DNAJC13: variants seen among roughly 807,000 people sequenced by gnomAD.
DNAJC13 encodes dnaJ homolog subfamily C member 13.
Under a neutral mutation model 290.5 loss-of-function variants are expected in DNAJC13, and 75 were observed. The ratio of observed to expected loss-of-function variants is 0.26; its 90% CI spans 0.21 to 0.31. The LOEUF (loss-of-function observed/expected upper bound fraction) is 0.31. Among genes scored for constraint, DNAJC13 ranks in the 10% least tolerant of loss-of-function variants. The pLI, the probability that DNAJC13 is intolerant of heterozygous loss-of-function variation, is 1.00. For synonymous variants in DNAJC13, 862 were observed against 892.0 expected, an observed-to-expected ratio of 0.97 and a Z score of 0.60; for missense variants, 2,260 against 2,674.5, an observed-to-expected ratio of 0.85 and a Z score of 3.42.
At chr3:132,506,541 CTTTTTTTTTT>C (rs34151394) in intron 42 of DNAJC13, among the ~76,000 whole-genome samples, 83 of 54,748 alleles carry the variant, frequency 1.5e-3, no homozygotes, top group African/African-American at 4.3e-3. Context: ...CAGTGTATTA[CTTTTTTTTTT>C]TTTTTTTTTT....
chr3:132,459,787 C>T (rs921893910), intron 13 of DNAJC13, among the ~76,000 whole-genome samples: 8 of 152,220 alleles, frequency 5.3e-5, no homozygotes, highest in East Asian at 1.9e-4. Context: ...ACTTACCTTG[C>T]GTAACGTCTC....
intron 1 of DNAJC13, among the ~76,000 whole-genome samples, chr3:132,429,426 A>C (rs977505964): frequency 1.3e-5 from 2 of 152,206 alleles, no homozygotes; most frequent in Non-Finnish European, 2.9e-5. Context: ...TTACCTTAGA[A>C]AAGTGATTTA....
At chr3:132,493,285 C>T (rs1018388130) in intron 33 of DNAJC13, among the ~76,000 whole-genome samples, 42 of 152,154 alleles carry the variant, frequency 2.8e-4, no homozygotes, top group African/African-American at 9.6e-4. Flanking sequence ...TGTTCTGTTA[C>T]TGTGGTGGAA....
In DNAJC13 at chr3:132,454,160, A is replaced by T. The variant is rs1933510067; in HGVS notation, c.932+3A>T. On this transcript the variant is annotated splice_donor_region_variant and intron_variant, in intron 9 of 55. Transcript: ENST00000260818. ...CGGAAATATTCTTCAACAGAGAGGT[A>T]TTTTTTTTTTTTTAAGTTTTTGAAA... 2.3e-6 allele frequency: 3 copies of T among 1,323,164 alleles called. No homozygotes were observed. The highest frequency in any genetic ancestry group is 2.1e-6 in the Non-Finnish European group (2 of 963,782). The allele number at this position is 1,323,164 out of a possible 1,614,324, so 82.0% of individuals were successfully genotyped here.
intron 45 of DNAJC13, among the ~76,000 whole-genome samples, chr3:132,514,139 A>G (rs1466070981): frequency 6.6e-6 from 1 of 152,176 alleles, no homozygotes; most frequent in Non-Finnish European, 1.5e-5. Context: ...GTATACTCTC[A>G]AAGATGTGAG....
intron 17 of DNAJC13, 128 bp downstream of exon 17, chr3:132,463,945 T>C (rs1375953932): frequency 8.3e-6 from 9 of 1,085,568 alleles, no homozygotes; most frequent in African/African-American, 1.6e-5. Context: ...CCTAGTTCTT[T>C]TCCTTTCCTT....
At chr3:132,422,317 G>C (rs1171364177) in intron 1 of DNAJC13, among the ~76,000 whole-genome samples, 1 of 152,136 alleles carries the variant, frequency 6.6e-6, no homozygotes, top group East Asian at 1.9e-4. Flanking sequence ...GATTACAGGT[G>C]TGAGCCACCA....
chr3:132,453,202 G>C (rs1472309405), intron 6 of DNAJC13, 96 bp from the exon 7 acceptor site: 1 of 1,116,384 alleles, frequency 9.0e-7, no homozygotes, highest in African/African-American at 1.6e-5. Context: ...TTTTTCTCTA[G>C]AATTGCTACT....
chr3:132,523,928 G>T, intron 51 of DNAJC13: 1 of 476,636 alleles, frequency 2.1e-6, no homozygotes, highest in Non-Finnish European at 3.7e-6. Flanking sequence ...AAGTTATAGA[G>T]ATATCTATAT....
At position 132,499,299 on chromosome 3, in the gene DNAJC13, A is replaced by C; in HGVS notation, c.4330A>C (p.Asn1444His). The C allele has an allele frequency of 6.8e-6, 11 of 1,607,372 alleles. No homozygotes were observed. The highest frequency in any genetic ancestry group is 9.4e-6 in the Non-Finnish European group (11 of 1,175,592). The change falls in exon 37 of 56, where the codon AAT becomes CAT. Residue 1444 changes from asparagine to histidine, a missense_variant. Asn to His is a moderately conservative substitution (Grantham distance 68). Transcript: ENST00000260818. ...CAATGCTGAAGAGCTCAGAAGAGAGAATGGACTAGAGGTAATACGGAGTGA... is the reference window on the plus strand; with the variant it reads ...CAATGCTGAAGAGCTCAGAAGAGAGCATGGACTAGAGGTAATACGGAGTGA... ...ALNAEELRRE[N>H]GLEVLQEAFS... is the part of the protein sequence containing the mutation.
intron 29 of DNAJC13, among the ~76,000 whole-genome samples, chr3:132,487,674 C>G (rs1934926257): frequency 6.7e-6 from 1 of 148,600 alleles, no homozygotes; most frequent in Non-Finnish European, 1.5e-5. Context: ...GTAGATAAAA[C>G]TTATTAAATG....
At chr3:132,516,587 T>A in intron 47 of DNAJC13, 91 bp downstream of exon 47, 1 of 1,530,566 alleles carries the variant, frequency 6.5e-7, no homozygotes, top group Non-Finnish European at 9.0e-7. Context: ...ACTAGAAGAA[T>A]GCTTTGGAAT....
intron 48 of DNAJC13, among the ~76,000 whole-genome samples, chr3:132,522,135 G>C (rs1315619621): frequency 6.6e-6 from 1 of 152,172 alleles, no homozygotes; most frequent in Non-Finnish European, 1.5e-5. Context: ...GAGTAAGAAA[G>C]ATTGGGCCTA....
chr3:132,481,725 A>G (rs1019013227), intron 26 of DNAJC13, among the ~76,000 whole-genome samples: 4 of 152,380 alleles, frequency 2.6e-5, no homozygotes, highest in Non-Finnish European at 4.4e-5. Flanking sequence ...AATTGAGACT[A>G]TATAAAACCA....
chr3:132,490,973 A>G lies in DNAJC13; in HGVS notation c.3545A>G (p.Asn1182Ser). The change falls in exon 32 of 56, where the codon AAT (asparagine) becomes AGT (serine). Residue 1182 changes from asparagine (N) to serine (S), a missense_variant. By Grantham distance (46) the Asn-to-Ser change is conservative. Coordinates refer to ENST00000260818, the MANE Select transcript of DNAJC13 (RefSeq NM_015268.4). ...LPEAMVCYLENYEPEKFSEIF... is the reference protein window; with the variant it reads ...LPEAMVCYLESYEPEKFSEIF... ...GAAGCAATGGTTTGTTACTTAGAAA[A>G]TTATGAACCTGAAAAGTTTTCTGAG... The G allele has an allele frequency of 6.2e-7, 1 of 1,613,056 alleles. No individual in the cohort carries two copies. Among genetic ancestry groups the G allele is most frequent in the Non-Finnish European group, 8.5e-7 (1 of 1,179,518 alleles).
intron 26 of DNAJC13, among the ~76,000 whole-genome samples, chr3:132,480,931 C>T (rs1934646553): frequency 6.6e-6 from 1 of 152,120 alleles, no homozygotes; most frequent in Admixed American, 6.6e-5. Context: ...GGAGATGTGT[C>T]ATGTTAGATT....
intron 6 of DNAJC13, 21 bp from the exon 7 acceptor site, chr3:132,453,277 T>C: frequency 6.2e-7 from 1 of 1,607,620 alleles, no homozygotes; most frequent in Non-Finnish European, 8.5e-7. Flanking sequence ...TCTGACTTTT[T>C]AAATTTCTAA....
chr3:132,483,356 A>G lies in DNAJC13; in HGVS notation c.2980-19A>G. 1 of 1,608,530 alleles carries G rather than the reference A, an allele frequency of 6.2e-7. No individual in the cohort carries two copies. Among genetic ancestry groups the G allele is most frequent in the East Asian group, 2.2e-5 (1 of 44,862 alleles). ...TCATTTTATTTTGTCTGTTTGTAAT[A>G]ATGCCTTCCATCCATTAGATGCAAG... On this transcript the variant is annotated intron_variant, in intron 27 of 55. Transcript: ENST00000260818.
chr3:132,526,170 G>A lies in DNAJC13; in HGVS notation c.6270G>A (p.Glu2090=). The A allele has an allele frequency of 6.2e-7, 1 of 1,614,074 alleles. No individual in the cohort carries two copies. The change falls in exon 53 of 56, where the codon GAG becomes GAA. Residue 2090 remains glutamate, a synonymous_variant. Coordinates refer to ENST00000260818, the MANE Select transcript of DNAJC13 (RefSeq NM_015268.4). ...GTGTTCGAGCCATGGCATCTTTAGA[G>A]ACCATTGGCCCACTGATGAATGGAA... ...ELCVRAMASL[E]TIGPLMNGMK...
Sources: gnomAD v4.1 joint callset for allele counts (sites outside exome capture counted in the v4.1 genomes callset) on GRCh38, gnomAD v4.1.1 for gene constraint, MANE v1.5 for transcripts, NCBI Gene and HGNC (gene_info 2026-07-23, HGNC 2026-07-21) for gene names.